DUSP19: variants seen among roughly 807,000 people sequenced by gnomAD.
DUSP19 encodes dual specificity phosphatase 19, also known as dual specificity protein phosphatase 19.
A neutral mutation model predicts 16.6 loss-of-function variants in DUSP19; 14 were observed. The observed-to-expected ratio is 0.84, with a 90% CI of 0.56 to 1.32. The LOEUF (loss-of-function observed/expected upper bound fraction) is 1.32, where lower values mean the gene tolerates loss of function less well. Among genes scored for constraint, DUSP19 ranks in the 40% most tolerant of loss-of-function variants. DUSP19 has a pLI of 0.00. For synonymous variants in DUSP19, 81 were observed against 90.5 expected (o/e 0.90, Z 0.59); for missense variants, 258 against 255.9 (o/e 1.01, Z -0.06).
chr2:183,079,100 A>G lies in DUSP19; in HGVS notation c.167A>G (p.Tyr56Cys), dbSNP rs201934392. Residue 56 changes from tyrosine (Y) to cysteine (C), a missense_variant, in exon 1 of 4, where the codon TAT (tyrosine) becomes TGT (cysteine). Transcript: ENST00000354221. ...VEPSSGGGCGYVQDLSSDLQV... is the reference protein window; with the variant it reads ...VEPSSGGGCGCVQDLSSDLQV... ...CCGAGCAGTGGGGGTGGTTGTGGTT[A>G]TGTGCAGGACCTTAGCTCGGACCTG... 27 of 1,614,020 alleles carry G rather than the reference A, an allele frequency of 1.7e-5. No homozygotes were observed. The highest frequency in any genetic ancestry group is 2.1e-5 in the Non-Finnish European group (25 of 1,180,034).
In DUSP19 at chr2:183,098,172, G is replaced by C. The variant is rs1699828910; in HGVS notation, c.*2514G>C. The C allele has an allele frequency of 6.6e-6, 1 of 152,240 alleles. No homozygotes were observed. Among genetic ancestry groups the C allele is most frequent in the African/African-American group, 2.4e-5 (1 of 41,456 alleles). The allele number at this position is 152,240 out of a possible 1,614,324, so 9.4% of individuals were successfully genotyped here. ...GGTCTCCCAAAGTGCTGGGATTACG[G>C]TGTTAGCCACTACACCTGGCCTGGA... On this transcript the variant is annotated 3_prime_UTR_variant, in exon 4 of 4. Transcript: ENST00000354221.
Position 183,095,563 on chromosome 2 carries a change from A to G in DUSP19, c.559A>G (p.Ile187Val), listed in dbSNP as rs1699789585. 5 of 1,614,104 alleles carry G rather than the reference A, an allele frequency of 3.1e-6. No homozygotes were observed. The highest frequency in any genetic ancestry group is 4.2e-6 in the Non-Finnish European group (5 of 1,179,992). The change falls in exon 4 of 4, where the codon ATA becomes GTA. Residue 187 changes from isoleucine (I) to valine (V), a missense_variant. By Grantham distance (29) the Ile-to-Val change is conservative. Coordinates refer to ENST00000354221, the MANE Select transcript of DUSP19 (RefSeq NM_080876.4). ...TTTGGTGAAAAATGCAAGACCTTCC[A>G]TATGTCCAAATTCTGGCTTCATGGA... Reference protein sequence around the residue: ...FSLVKNARPSICPNSGFMEQL... With the variant: ...FSLVKNARPSVCPNSGFMEQL...
At position 183,095,663 on chromosome 2, in the gene DUSP19, C is replaced by T; in HGVS notation, c.*5C>T. ...ATACAGGAGAACAGTTCATGAGTTG[C>T]ATTGTAGCAGACAATGGACAACTGT... On this transcript the variant is annotated 3_prime_UTR_variant, in exon 4 of 4. Coordinates refer to ENST00000354221, the MANE Select transcript of DUSP19 (RefSeq NM_080876.4). The T allele has an allele frequency of 6.2e-7, 1 of 1,602,010 alleles. No homozygotes were observed. Among genetic ancestry groups the T allele is most frequent in the East Asian group, 2.2e-5 (1 of 44,730 alleles).
chr2:183,097,567 A>T lies in DUSP19; in HGVS notation c.*1909A>T, dbSNP rs1208341365. ...ATTGCTTACACCGTGACAAGATGCC[A>T]TCACTTGTGATGTTATGAACTGTTA... On this transcript the variant is annotated 3_prime_UTR_variant, in exon 4 of 4. Coordinates refer to ENST00000354221, the MANE Select transcript of DUSP19 (RefSeq NM_080876.4). 2 of 152,232 alleles carry T rather than the reference A, an allele frequency of 1.3e-5. No individual in the cohort carries two copies. Among genetic ancestry groups the T allele is most frequent in the Admixed American group, 1.3e-4 (2 of 15,278 alleles). 9.4% of individuals were successfully genotyped at this position (152,232 alleles called of 1,614,324 possible).
chr2:183,081,628 A>T (rs572938469), intron 1 of DUSP19, among the ~76,000 whole-genome samples: 22 of 152,308 alleles, frequency 1.4e-4, no homozygotes, highest in East Asian at 7.7e-4. Context: ...ACAGAATTTT[A>T]AAAAAAATTA....
In DUSP19 at chr2:183,096,876, T is replaced by C. The variant is rs916598876; in HGVS notation, c.*1218T>C. On this transcript the variant is annotated 3_prime_UTR_variant, in exon 4 of 4. Coordinates refer to ENST00000354221, the MANE Select transcript of DUSP19 (RefSeq NM_080876.4). ...ACCCACAATCATTTACAGTTTTATC[T>C]TTGGCCTTTGAATAGGTTCTTTTTT... 2.0e-5 allele frequency: 3 copies of C among 152,582 alleles called. No individual in the cohort carries two copies. Among genetic ancestry groups the C allele is most frequent in the Admixed American group, 2.0e-4 (3 of 15,272 alleles). The allele number at this position is 152,582 out of a possible 1,614,324, so 9.5% of individuals were successfully genotyped here. A position where few individuals can be genotyped will look rare whatever the true frequency, so the allele number is the denominator to read the frequency against.
At chr2:183,082,340 C>A (rs1699602529) in intron 1 of DUSP19, among the ~76,000 whole-genome samples, 1 of 151,116 alleles carries the variant, frequency 6.6e-6, no homozygotes, top group Admixed American at 6.6e-5. Flanking sequence ...TAAGCATATA[C>A]ATATTTTTTG....
At chr2:183,091,549 G>A (rs903537471) in intron 3 of DUSP19, among the ~76,000 whole-genome samples, 5 of 152,186 alleles carry the variant, frequency 3.3e-5, no homozygotes, top group African/African-American at 1.2e-4. Flanking sequence ...CTGATTGGTT[G>A]GAGAAAGCAG....
Position 183,078,792 on chromosome 2 carries a change from G to A in DUSP19, c.-142G>A, listed in dbSNP as rs1459259048. ...ACGGAGCTGGACGACTCAGTCTCTT[G>A]GTCTGTGGCTGCTGCGGTTACCTGG... On this transcript the variant is annotated 5_prime_UTR_variant, in exon 1 of 4. Transcript: ENST00000354221. 1.9e-5 allele frequency: 13 copies of A among 694,326 alleles called. No homozygotes were observed. The highest frequency in any genetic ancestry group is 4.8e-6 in the Non-Finnish European group (2 of 415,250). The allele number at this position is 694,326 out of a possible 1,614,324, so 43.0% of individuals were successfully genotyped here.
At chr2:183,087,356 T>C (rs1366714897) in intron 3 of DUSP19, among the ~76,000 whole-genome samples, 164 bp downstream of exon 3, 6 of 152,254 alleles carry the variant, frequency 3.9e-5, no homozygotes, top group Non-Finnish European at 8.8e-5. Flanking sequence ...TTAATTGCTC[T>C]TTTTTCAATG....
chr2:183,085,597 AAG>A (rs934848511), intron 2 of DUSP19, among the ~76,000 whole-genome samples: 1 of 151,962 alleles, frequency 6.6e-6, no homozygotes, highest in Non-Finnish European at 1.5e-5. Flanking sequence ...GAAAAAAAAA[AAG>A]AGAGAGAGGA....
chr2:183,081,927 A>G (rs900894566), intron 1 of DUSP19, among the ~76,000 whole-genome samples: 77 of 152,352 alleles, frequency 5.1e-4, no homozygotes, highest in African/African-American at 1.8e-3. Context: ...CTAATTCAGG[A>G]AAGTAAAATA....
At chr2:183,093,932 TTAATA>T (rs1699765480) in intron 3 of DUSP19, among the ~76,000 whole-genome samples, 1 of 152,210 alleles carries the variant, frequency 6.6e-6, no homozygotes, top group Admixed American at 6.5e-5. Context: ...ATCAGTTACT[TTAATA>T]TAATTTTTAA....
Position 183,097,848 on chromosome 2 carries a change from G to C in DUSP19, c.*2190G>C. On this transcript the variant is annotated 3_prime_UTR_variant, in exon 4 of 4. Coordinates refer to ENST00000354221, the MANE Select transcript of DUSP19 (RefSeq NM_080876.4). ...GCCTTGATAGAATTTGTTCATAATG[G>C]CTCATGTATTATTATTATTTTTGAG... is the stretch of plus-strand genomic sequence containing the variant. 6.6e-6 allele frequency: 1 copy of C among 152,072 alleles called. No homozygotes were observed. Among genetic ancestry groups the C allele is most frequent in the Non-Finnish European group, 1.5e-5 (1 of 68,002 alleles). The allele number at this position is 152,072 out of a possible 1,614,324, so 9.4% of individuals were successfully genotyped here. A position where few individuals can be genotyped will look rare whatever the true frequency, so the allele number is the denominator to read the frequency against.
In DUSP19 at chr2:183,078,783, C is replaced by T; in HGVS notation, c.-151C>T. 1 of 659,386 alleles carries T rather than the reference C, an allele frequency of 1.5e-6. No homozygotes were observed. The highest frequency in any genetic ancestry group is 2.6e-6 in the Non-Finnish European group (1 of 387,958). The allele number at this position is 659,386 out of a possible 1,614,324, so 40.8% of individuals were successfully genotyped here. A position where few individuals can be genotyped will look rare whatever the true frequency, so the allele number is the denominator to read the frequency against. On this transcript the variant is annotated 5_prime_UTR_variant, in exon 1 of 4. Coordinates refer to ENST00000354221, the MANE Select transcript of DUSP19 (RefSeq NM_080876.4). ...CTGGGATAAACGGAGCTGGACGACT[C>T]AGTCTCTTGGTCTGTGGCTGCTGCG...
intron 3 of DUSP19, among the ~76,000 whole-genome samples, chr2:183,091,409 C>T (rs1020186951): frequency 6.6e-6 from 1 of 152,106 alleles, no homozygotes; most frequent in African/African-American, 2.4e-5. Context: ...TCCACAGTGT[C>T]GGAGCAGGTC....
In DUSP19 at chr2:183,078,905, T is replaced by C. The variant is rs1374873654; in HGVS notation, c.-29T>C. On this transcript the variant is annotated 5_prime_UTR_variant, in exon 1 of 4. Transcript: ENST00000354221. ...GTTTTCTATGCCTGCTGGATTTGTT[T>C]GTATTTGTTCCCAGCCACTGCTCAT... 3.1e-6 allele frequency: 5 copies of C among 1,605,542 alleles called. No individual in the cohort carries two copies. In the South Asian group the frequency reaches 5.5e-5, roughly 18 times the overall value.
At chr2:183,091,905 T>A (rs1283118081) in intron 3 of DUSP19, among the ~76,000 whole-genome samples, 1 of 152,194 alleles carries the variant, frequency 6.6e-6, no homozygotes, top group Non-Finnish European at 1.5e-5. Flanking sequence ...TTCCATTTTG[T>A]TTCAAAGCAG....
chr2:183,088,184 A>G (rs1466170258), intron 3 of DUSP19, among the ~76,000 whole-genome samples: 2 of 152,138 alleles, frequency 1.3e-5, no homozygotes, highest in African/African-American at 2.4e-5. Flanking sequence ...ACTGTTGCCT[A>G]CAAGTCAGTA....
Sources: allele counts gnomAD v4.1 joint callset (sites outside exome capture counted in the v4.1 genomes callset), GRCh38; gene constraint gnomAD v4.1.1; transcripts MANE v1.5; gene names NCBI Gene and HGNC (gene_info 2026-07-23, HGNC 2026-07-21).